RNASE4: variants seen among roughly 807,000 people sequenced by gnomAD.
RNASE4 encodes ribonuclease 4.
For missense variants in RNASE4, 194 were observed against 192.8 expected, an observed-to-expected ratio of 1.01 and a Z score of -0.04; for synonymous variants, 93 against 71.4, an observed-to-expected ratio of 1.30 and a Z score of -1.52.
At chr14:20,695,333 T>C (rs1003619711) in intron 1 of RNASE4, among the ~76,000 whole-genome samples, 10 of 149,024 alleles carry the variant, frequency 6.7e-5, no homozygotes, top group Non-Finnish European at 1.2e-4. Context: ...AGGCGGAGGT[T>C]GCACTGAGCC....
intron 1 of RNASE4, 152 bp from the exon 2 acceptor site, chr14:20,699,203 G>A: frequency 1.6e-6 from 1 of 632,242 alleles, no homozygotes; most frequent in Admixed American, 3.1e-5. Flanking sequence ...AAGAAGGGTG[G>A]GAAAAGTAGC....
intron 1 of RNASE4, among the ~76,000 whole-genome samples, chr14:20,697,472 T>C (rs191115230): frequency 6.6e-6 from 1 of 152,194 alleles, no homozygotes; most frequent in African/African-American, 2.4e-5. Flanking sequence ...CACACAGATA[T>C]GACATACAGC....
chr14:20,693,572 T>C, intron 1 of RNASE4: 1 of 1,612,642 alleles, frequency 6.2e-7, no homozygotes, highest in Non-Finnish European at 8.5e-7. Flanking sequence ...GAGATGGTGA[T>C]GGGCCTGGGC....
intron 1 of RNASE4, among the ~76,000 whole-genome samples, chr14:20,692,408 C>T (rs145979665): frequency 6.6e-6 from 1 of 152,336 alleles, no homozygotes; most frequent in African/African-American, 2.4e-5. Flanking sequence ...CTGTCGTAAA[C>T]AATTTTATGG....
intron 1 of RNASE4, among the ~76,000 whole-genome samples, chr14:20,692,519 C>A (rs933745711): frequency 2.0e-5 from 3 of 152,258 alleles, no homozygotes; most frequent in African/African-American, 7.2e-5. Flanking sequence ...GATCAGCAGG[C>A]AGCATTAGAT....
Position 20,700,139 on chromosome 14 carries a change from G to T in RNASE4, c.*324G>T. On this transcript the variant is annotated 3_prime_UTR_variant, in exon 2 of 2. Coordinates refer to ENST00000555835, the MANE Select transcript of RNASE4 (RefSeq NM_002937.5). The stretch of plus-strand genomic sequence containing the variant: ...AACATTTCAAAATGCTTTCATCTAT[G>T]TTTATCACATTTTAATACCACAGCA... 3.7e-6 allele frequency: 1 copy of T among 267,594 alleles called. No homozygotes were observed. The highest frequency in any genetic ancestry group is 8.7e-5 in the East Asian group (1 of 11,506). The allele number at this position is 267,594 out of a possible 1,614,324, so 16.6% of individuals were successfully genotyped here.
At chr14:20,695,939 C>T (rs1237104883) in intron 1 of RNASE4, among the ~76,000 whole-genome samples, 1 of 152,226 alleles carries the variant, frequency 6.6e-6, no homozygotes, top group African/African-American at 2.4e-5. Context: ...AAACCTCTGT[C>T]ACTAGAAAAT....
chr14:20,695,544 T>C (rs1222447261), intron 1 of RNASE4, among the ~76,000 whole-genome samples: 2 of 152,260 alleles, frequency 1.3e-5, no homozygotes, highest in African/African-American at 4.8e-5. Context: ...AGTGGTTAGC[T>C]TCCTGTTAAC....
intron 1 of RNASE4, among the ~76,000 whole-genome samples, chr14:20,692,703 G>T (rs1308494678): frequency 1.3e-5 from 2 of 152,102 alleles, no homozygotes; most frequent in Non-Finnish European, 2.9e-5. Context: ...ATGATCCCTG[G>T]TGCCAAAAAT....
At chr14:20,685,602 C>T (rs1364464795) in intron 1 of RNASE4, among the ~76,000 whole-genome samples, 1 of 152,180 alleles carries the variant, frequency 6.6e-6, no homozygotes, top group Non-Finnish European at 1.5e-5. Context: ...CGCTTCAATT[C>T]AAGCAATTCT....
rs1463899252 is a variant in RNASE4, at chr14:20,699,376, C to G, written c.5C>G (p.Ala2Gly). 6.3e-7 allele frequency: 1 copy of G among 1,592,984 alleles called. No homozygotes were observed. Among genetic ancestry groups the G allele is most frequent in the African/African-American group, 1.3e-5 (1 of 74,486 alleles). Residue 2 changes from alanine to glycine, a missense_variant, in exon 2 of 2, where the codon GCT becomes GGT. Physicochemically the swap from Ala to Gly is moderately conservative, Grantham distance 60. Coordinates refer to ENST00000555835, the MANE Select transcript of RNASE4 (RefSeq NM_002937.5). M[A>G]LQRTHSLLLL... ...CTAGGCACCTCTAAGATACTGATGG[C>G]TCTGCAGAGGACCCATTCATTGCTT...
intron 1 of RNASE4, among the ~76,000 whole-genome samples, chr14:20,695,201 C>A (rs1256331599): frequency 3.3e-5 from 5 of 152,132 alleles, no homozygotes; most frequent in Admixed American, 2.0e-4. Context: ...TCAAGACCAT[C>A]CTGGACAACA....
rs1439809161 is a variant in RNASE4 at position 20,684,663 on chromosome 14, G to C, written c.-113G>C. 2.6e-5 allele frequency: 4 copies of C among 152,318 alleles called. No homozygotes were observed. The highest frequency in any genetic ancestry group is 5.9e-5 in the Non-Finnish European group (4 of 68,116). The allele number at this position is 152,318 out of a possible 1,614,324, so 9.4% of individuals were successfully genotyped here. On this transcript the variant is annotated 5_prime_UTR_variant, in exon 1 of 2. Coordinates refer to ENST00000555835, the MANE Select transcript of RNASE4 (RefSeq NM_002937.5). ...AAGAACATCTTTGCGTTTTCTACCGGCTCCCCATCATCGTACTAGGGAGGA... is the reference window on the plus strand; with the variant it reads ...AAGAACATCTTTGCGTTTTCTACCGCCTCCCCATCATCGTACTAGGGAGGA...
intron 1 of RNASE4, among the ~76,000 whole-genome samples, chr14:20,696,803 C>T (rs1284415112): frequency 6.6e-6 from 1 of 151,824 alleles, no homozygotes; most frequent in Non-Finnish European, 1.5e-5. Context: ...GTTATAGGCG[C>T]TTAGATTGAT....
rs751741459 is a variant in RNASE4 at position 20,699,737 on chromosome 14, T to G, written c.366T>G (p.Tyr122Ter). The change falls in exon 2 of 2, where the codon TAT (tyrosine) becomes TAG (stop). Residue 122 changes from tyrosine (Y) to a stop codon, truncating the protein, a stop_gained. Coordinates refer to ENST00000555835, the MANE Select transcript of RNASE4 (RefSeq NM_002937.5). LOFTEE classifies it high-confidence loss of function. ...TGSSRAPNCR[Y>*]RAIASTRRVV... Reference sequence around the variant, plus strand: ...GTTCCAGGGCACCCAACTGCAGATATCGGGCCATAGCGAGCACTAGACGTG... The same window carrying G: ...GTTCCAGGGCACCCAACTGCAGATAGCGGGCCATAGCGAGCACTAGACGTG... 6.8e-6 allele frequency: 11 copies of G among 1,610,942 alleles called. No individual in the cohort carries two copies. Among genetic ancestry groups the G allele is most frequent in the Non-Finnish European group, 9.3e-6 (11 of 1,180,022 alleles).
At chr14:20,691,416 C>G (rs574176035) in intron 1 of RNASE4, among the ~76,000 whole-genome samples, 1 of 152,276 alleles carries the variant, frequency 6.6e-6, no homozygotes, top group South Asian at 2.1e-4. Flanking sequence ...AAACTAGAAA[C>G]AGGAAACACA....
rs116127371 is a variant in RNASE4 at position 20,688,482 on chromosome 14, A to C, written c.-18+3724A>C. On this transcript the variant is annotated intron_variant, in intron 1 of 1. Transcript: ENST00000555835. ...ATCAGAGATGCTATCTTATGGATCC[A>C]GACTATTATGTGTGAATAGGGAAAC... Among the ~76,000 whole-genome samples the C allele has an allele frequency of 6.5e-3, 994 of 152,350 alleles. 7 individuals carry two copies. Among genetic ancestry groups the C allele is most frequent in the African/African-American group, 0.021 (891 of 41,568 alleles).
At chr14:20,693,856 T>G in intron 1 of RNASE4, 1 of 1,614,124 alleles carries the variant, frequency 6.2e-7, no homozygotes, top group Non-Finnish European at 8.5e-7. Flanking sequence ...AATAAGCAAG[T>G]CTTCTTTCCA....
At chr14:20,697,167 C>T (rs1202500764) in intron 1 of RNASE4, among the ~76,000 whole-genome samples, 6 of 152,162 alleles carry the variant, frequency 3.9e-5, no homozygotes, top group Non-Finnish European at 5.9e-5. Context: ...GGTCTGCTCT[C>T]GCATGCATAG....
Sources: gnomAD v4.1 joint callset for allele counts (sites outside exome capture counted in the v4.1 genomes callset) on GRCh38, gnomAD v4.1.1 for gene constraint, MANE v1.5 for transcripts, NCBI Gene and HGNC (gene_info 2026-07-23, HGNC 2026-07-21) for gene names.